TENM4: variants seen among roughly 807,000 people sequenced by gnomAD.
The protein encoded by TENM4 is teneurin-4.
TENM4 carries 82 observed loss-of-function variants against 243.3 expected under a neutral mutation model. The ratio of observed to expected loss-of-function variants is 0.34; its 90% CI spans 0.28 to 0.40. The LOEUF (loss-of-function observed/expected upper bound fraction) is 0.40. TENM4 is among the 10% of genes least tolerant of loss of function. TENM4 has a pLI of 1.00. For missense variants in TENM4, 3,138 were observed against 3,673.3 expected (o/e 0.85, Z 3.77); for synonymous variants, 1,412 against 1,456.3 (o/e 0.97, Z 0.69).
chr11:79,279,083 A>C (rs514877), intron 2 of TENM4, among the ~76,000 whole-genome samples: 76,007 of 151,998 alleles, frequency 0.5, 19,459 homozygotes, highest in East Asian at 0.69. Flanking sequence ...ATCCCAGACA[A>C]ACAGGCACAC....
rs145212910 is a variant in TENM4, at chr11:78,812,010, G to A, written c.1978+112C>T. 243 of 1,339,408 alleles carry A rather than the reference G, an allele frequency of 1.8e-4. 2 individuals are homozygous for A. In the African/African-American group the frequency reaches 3.1e-3, roughly 17 times the overall value. 83.0% of individuals were successfully genotyped at this position (1,339,408 alleles called of 1,614,324 possible). A position where few individuals can be genotyped will look rare whatever the true frequency, so the allele number is the denominator to read the frequency against. On this transcript the variant is annotated intron_variant, in intron 14 of 33. Transcript: ENST00000278550. ...GGTGGGCTCCTGGCTTGGGGAGGTG[G>A]GGTCACAAAATGGCTCAGGAGGCTT...
intron 1 of TENM4, among the ~76,000 whole-genome samples, chr11:79,359,938 TGTGG>T (rs1240221157): frequency 6.6e-6 from 1 of 152,058 alleles, no homozygotes; most frequent in African/African-American, 2.4e-5. Context: ...TATGTCACCA[TGTGG>T]GGAAAGCAGG....
chr11:79,059,081 T>G (rs1176870679), intron 6 of TENM4, among the ~76,000 whole-genome samples: 1 of 152,220 alleles, frequency 6.6e-6, no homozygotes, highest in East Asian at 1.9e-4. Context: ...ATCTACTGAC[T>G]CTGAATGAGC....
At chr11:79,431,641 G>A (rs1340481959) in intron 1 of TENM4, among the ~76,000 whole-genome samples, 1 of 152,204 alleles carries the variant, frequency 6.6e-6, no homozygotes, top group Non-Finnish European at 1.5e-5. Context: ...ATCTCAGCTA[G>A]TAAGACAAGT....
chr11:79,360,744 T>C (rs1565314652), intron 1 of TENM4, among the ~76,000 whole-genome samples: 1 of 152,000 alleles, frequency 6.6e-6, no homozygotes, highest in Non-Finnish European at 1.5e-5. Context: ...GAGCAGGCTA[T>C]AAATAAGACC....
In TENM4 at chr11:79,240,736, G is replaced by T. The variant is rs750455854; in HGVS notation, c.-264-24827C>A. Among the ~76,000 whole-genome samples, 56 of 152,096 alleles carry T rather than the reference G, an allele frequency of 3.7e-4. 1 individual carries two copies. The highest frequency in any genetic ancestry group is 1.0e-4 in the Non-Finnish European group (7 of 68,032). ...TTTCAGCATTGAATCATCTTAGCCT[G>T]GGGTCTTTTAAAAATAAATGATTCC... On this transcript the variant is annotated intron_variant, in intron 2 of 33. Transcript: ENST00000278550.
At chr11:79,018,139 C>T (rs561162913) in intron 6 of TENM4, among the ~76,000 whole-genome samples, 19 of 152,244 alleles carry the variant, frequency 1.2e-4, no homozygotes, top group Admixed American at 1.2e-3. Context: ...AATGCAAGGA[C>T]CTCTTAATCC....
chr11:78,891,069 A>G (rs1030850020), intron 8 of TENM4, among the ~76,000 whole-genome samples, 169 bp downstream of exon 8: 2 of 152,204 alleles, frequency 1.3e-5, no homozygotes, highest in African/African-American at 4.8e-5. Flanking sequence ...GCTGGGGGAT[A>G]GGGTATTTAA....
intron 6 of TENM4, among the ~76,000 whole-genome samples, chr11:79,017,301 T>G (rs1591210940): frequency 6.6e-6 from 1 of 152,060 alleles, no homozygotes; most frequent in South Asian, 2.1e-4. Context: ...GTGGGGTAGG[T>G]GGGAGTTTAG....
chr11:79,064,776 A>G lies in TENM4; in HGVS notation c.455T>C (p.Leu152Pro). The part of the protein sequence containing the change: ...SCLSSRANSN[L>P]TLTDTEHENT... ...TTCATGCTCGGTGTCGGTGAGTGTG[A>G]GATTGGAATTGGCCCGGCTGGACAG... Residue 152 changes from leucine (L) to proline (P), a missense_variant, in exon 6 of 34, where the codon CTC (leucine) becomes CCC (proline). By Grantham distance (98) the Leu-to-Pro change is moderately conservative. This residue lies in a region of TENM4 where 671 missense variants were observed against 614.1 expected (regional missense o/e 1.09). Coordinates refer to ENST00000278550, the MANE Select transcript of TENM4 (RefSeq NM_001098816.3). 1.3e-6 allele frequency: 2 copies of G among 1,551,566 alleles called. No individual in the cohort carries two copies. Among genetic ancestry groups the G allele is most frequent in the Non-Finnish European group, 1.7e-6 (2 of 1,146,958 alleles).
At chr11:78,907,851 C>T (rs896654230) in intron 6 of TENM4, among the ~76,000 whole-genome samples, 16 of 152,204 alleles carry the variant, frequency 1.1e-4, no homozygotes, top group Admixed American at 4.6e-4. Flanking sequence ...AATTTATACC[C>T]TCTTCTTACA....
intron 1 of TENM4, among the ~76,000 whole-genome samples, chr11:79,314,053 C>T (rs1856764555): frequency 6.6e-6 from 1 of 152,156 alleles, no homozygotes; most frequent in Non-Finnish European, 1.5e-5. Context: ...TTTGCAAGTA[C>T]AGAATGTGCA....
At chr11:79,436,948 C>A (rs1221905158) in intron 1 of TENM4, among the ~76,000 whole-genome samples, 1 of 152,212 alleles carries the variant, frequency 6.6e-6, no homozygotes, top group Admixed American at 6.5e-5. Context: ...CCCGAATTAG[C>A]CCCCTAAAAG....
chr11:79,206,756 C>G lies in TENM4; in HGVS notation c.-163+9052G>C, dbSNP rs150277883. 2.7e-3 allele frequency among the ~76,000 whole-genome samples: 410 copies of G among 152,288 alleles called. 2 individuals carry two copies. Among genetic ancestry groups the G allele is most frequent in the African/African-American group, 9.3e-3 (387 of 41,564 alleles). ...TCCACCTCCGGCCATGATTCTGAGG[C>G]CTCCCCAGCTATGTGGAACAATTAA... is the stretch of plus-strand genomic sequence containing the variant. On this transcript the variant is annotated intron_variant, in intron 3 of 33. Coordinates refer to ENST00000278550, the MANE Select transcript of TENM4 (RefSeq NM_001098816.3).
intron 3 of TENM4, among the ~76,000 whole-genome samples, chr11:79,155,057 C>G (rs1375857490): frequency 6.6e-6 from 1 of 152,158 alleles, no homozygotes; most frequent in African/African-American, 2.4e-5. Flanking sequence ...CTTTCCCCTG[C>G]ACTCAGGGCC....
Position 78,669,428 on chromosome 11 carries a change from T to C in TENM4, c.6917A>G (p.His2306Arg), listed in dbSNP as rs771510269. 1.2e-6 allele frequency: 2 copies of C among 1,613,004 alleles called. No homozygotes were observed. The highest frequency in any genetic ancestry group is 1.7e-5 in the Admixed American group (1 of 59,978). Residue 2306 changes from histidine to arginine, a missense_variant, in exon 32 of 34, where the codon CAC becomes CGC. Transcript: ENST00000278550. This position sits in a 1 kb window ranked among gnomAD's most constrained non-coding sequence, Gnocchi z 6.4. ...ATAGAAGAACTGCAGGTGGTGGCTG[T>C]GGCTGCTCTTGCTGGACACGCGCCG... ...LGRRVSSKSS[H>R]SHHLQFFYAD...
intron 3 of TENM4, among the ~76,000 whole-genome samples, chr11:79,152,515 T>C (rs1442212004): frequency 6.6e-6 from 1 of 152,224 alleles, no homozygotes; most frequent in Non-Finnish European, 1.5e-5. Context: ...TCTAGATATA[T>C]CATGGCTGTA....
At chr11:78,802,665 C>T (rs1261866049) in intron 15 of TENM4, among the ~76,000 whole-genome samples, 5 of 152,240 alleles carry the variant, frequency 3.3e-5, no homozygotes, top group Non-Finnish European at 7.3e-5. Flanking sequence ...ATCACAGGAA[C>T]AGGGGCAATA....
intron 12 of TENM4, among the ~76,000 whole-genome samples, chr11:78,837,853 C>T (rs986056505): frequency 2.0e-5 from 3 of 151,982 alleles, no homozygotes; most frequent in Non-Finnish European, 4.4e-5. Context: ...TATATGCTTT[C>T]TTATAATTAG....
Sources: gnomAD v4.1 joint callset for allele counts (sites outside exome capture counted in the v4.1 genomes callset) on GRCh38, gnomAD v4.1.1 for gene constraint, gnomAD v4.1.1 regional missense constraint, Gnocchi (gnomAD v3.1) non-coding constraint, MANE v1.5 for transcripts, NCBI Gene and HGNC (gene_info 2026-07-23, HGNC 2026-07-21) for gene names.